Variants in TMEM131 observed in about 807,000 individuals in gnomAD.
TMEM131 encodes the protein 2610524E03Rik.
TMEM131 carries 66 observed loss-of-function variants against 211.6 expected under a neutral mutation model. The observed-to-expected ratio is 0.31, with a 90% confidence interval of 0.26 to 0.38. The LOEUF (loss-of-function observed/expected upper bound fraction) is 0.38, where lower values mean the gene tolerates loss of function less well. Among genes scored for constraint, TMEM131 ranks in the 10% least tolerant of loss-of-function variants. The pLI, the probability that TMEM131 is intolerant of heterozygous loss-of-function variation, is 1.00. For missense variants in TMEM131, 2,036 were observed against 2,299.3 expected, an observed-to-expected ratio of 0.89 and a Z score of 2.34; for synonymous variants, 844 against 841.3, an observed-to-expected ratio of 1.00 and a Z score of -0.06.
At chr2:97,929,647 A>T (rs1194380183) in intron 1 of TMEM131, among the ~76,000 whole-genome samples, 1 of 151,788 alleles carries the variant, frequency 6.6e-6, no homozygotes, top group Non-Finnish European at 1.5e-5. Context: ...TTATTTTGGG[A>T]AAACTCCTGT....
intron 11 of TMEM131, among the ~76,000 whole-genome samples, chr2:97,828,096 A>G (rs1413012575): frequency 1.3e-5 from 2 of 152,182 alleles, no homozygotes; most frequent in South Asian, 2.1e-4. Context: ...ACAAATTTGA[A>G]TATGTAGTGT....
intron 3 of TMEM131, among the ~76,000 whole-genome samples, chr2:97,903,706 T>C (rs1353187476): frequency 1.3e-5 from 2 of 152,094 alleles, no homozygotes; most frequent in African/African-American, 4.8e-5. Context: ...TATTTATTTA[T>C]TTTGAGAGGG....
At position 97,841,823 on chromosome 2, in the gene TMEM131, G is replaced by T; in HGVS notation, c.715C>A (p.Pro239Thr). 6.3e-7 allele frequency: 1 copy of T among 1,592,888 alleles called. No individual in the cohort carries two copies. Among genetic ancestry groups the T allele is most frequent in the Non-Finnish European group, 8.6e-7 (1 of 1,169,482 alleles). ...TACCATCATAAACTCACCTGTAAAG[G>T]CTCACTGTGAGGATTGTGGATGTTT... ...IINIHNPHSE[P>T]LQVVEMYSSG... The change falls in exon 7 of 41, where the codon CCT becomes ACT. Residue 239 changes from proline (P) to threonine (T), a missense_variant. Physicochemically the swap from Pro to Thr is conservative, Grantham distance 38 (BLOSUM62 -1). Coordinates refer to ENST00000186436, the MANE Select transcript of TMEM131 (RefSeq NM_015348.2).
At chr2:97,822,931 G>A (rs548940563) in intron 11 of TMEM131, among the ~76,000 whole-genome samples, 23 of 152,138 alleles carry the variant, frequency 1.5e-4, no homozygotes, top group East Asian at 9.6e-4. Flanking sequence ...TCTGCACTAC[G>A]GCCTGGTCCC....
chr2:97,932,513 T>C (rs534918129), intron 1 of TMEM131, among the ~76,000 whole-genome samples: 3 of 152,192 alleles, frequency 2.0e-5, no homozygotes, highest in Non-Finnish European at 4.4e-5. Context: ...TATAATCCTA[T>C]GTAATTCAGA....
intron 4 of TMEM131, among the ~76,000 whole-genome samples, chr2:97,885,546 G>A (rs1675118795): frequency 6.6e-6 from 1 of 152,104 alleles, no homozygotes; most frequent in Non-Finnish European, 1.5e-5. Context: ...AGGGTATATA[G>A]TGTTCTTGGC....
chr2:97,867,582 T>C (rs1046206591), intron 4 of TMEM131, among the ~76,000 whole-genome samples: 16 of 152,336 alleles, frequency 1.1e-4, no homozygotes, highest in Middle Eastern at 3.4e-3. Context: ...CTTCCTAGTG[T>C]GGAACTTATC....
At chr2:97,890,450 T>C (rs1180139868) in intron 3 of TMEM131, among the ~76,000 whole-genome samples, 1 of 152,200 alleles carries the variant, frequency 6.6e-6, no homozygotes, top group Non-Finnish European at 1.5e-5. Context: ...TAACTCATTC[T>C]AAGATTTTCA....
At chr2:97,889,597 T>TA (rs1360246808) in intron 3 of TMEM131, among the ~76,000 whole-genome samples, 1 of 148,868 alleles carries the variant, frequency 6.7e-6, no homozygotes, top group Non-Finnish European at 1.5e-5. Context: ...ATGTAATATA[T>TA]ATTCCTATAT....
intron 33 of TMEM131, among the ~76,000 whole-genome samples, chr2:97,767,204 A>T (rs1429828360): frequency 1.3e-5 from 2 of 152,152 alleles, no homozygotes; most frequent in Non-Finnish European, 2.9e-5. Context: ...AATTAAATAT[A>T]TTTTTTATTG....
At chr2:97,981,437 C>T (rs1679793226) in intron 1 of TMEM131, among the ~76,000 whole-genome samples, 1 of 152,140 alleles carries the variant, frequency 6.6e-6, no homozygotes. Flanking sequence ...ATCTTTTTTG[C>T]ATTCCAACTA....
intron 1 of TMEM131, among the ~76,000 whole-genome samples, chr2:97,988,226 CA>C (rs1261504192): frequency 6.6e-6 from 1 of 152,128 alleles, no homozygotes; most frequent in Non-Finnish European, 1.5e-5. Context: ...GCCTCTTCAA[CA>C]AATGGAACTG....
intron 3 of TMEM131, among the ~76,000 whole-genome samples, chr2:97,896,494 T>G (rs1675616876): frequency 6.6e-6 from 1 of 152,188 alleles, no homozygotes; most frequent in Admixed American, 6.5e-5. Flanking sequence ...TGTGGGAGTT[T>G]AAGTCTCTTT....
At chr2:97,904,666 T>C (rs1428766573) in intron 3 of TMEM131, among the ~76,000 whole-genome samples, 1 of 152,190 alleles carries the variant, frequency 6.6e-6, no homozygotes, top group Non-Finnish European at 1.5e-5. Context: ...AAGTCTGCCA[T>C]ATTGCCATTT....
In TMEM131 at chr2:97,818,601, G is replaced by A; in HGVS notation, c.1183+12C>T. On this transcript the variant is annotated intron_variant, in intron 12 of 40. Transcript: ENST00000186436. ...ACATCACTCTATCAGAGAGAAAATG[G>A]TGAATACTTGCCATCAAAACTAATG... The A allele has an allele frequency of 6.6e-7, 1 of 1,511,832 alleles. No individual in the cohort carries two copies. The highest frequency in any genetic ancestry group is 9.1e-7 in the Non-Finnish European group (1 of 1,093,922). The allele number at this position is 1,511,832 out of a possible 1,614,324, so 93.7% of individuals were successfully genotyped here.
intron 11 of TMEM131, among the ~76,000 whole-genome samples, chr2:97,832,664 T>A (rs1399727242): frequency 2.6e-5 from 4 of 152,248 alleles, no homozygotes; most frequent in Non-Finnish European, 5.9e-5. Context: ...CAGCACAAAT[T>A]ATAATAAAAA....
At chr2:97,817,059 T>C (rs1325827225) in intron 12 of TMEM131, among the ~76,000 whole-genome samples, 1 of 152,204 alleles carries the variant, frequency 6.6e-6, no homozygotes, top group Non-Finnish European at 1.5e-5. Flanking sequence ...ATGCTTTCCC[T>C]TTGCTGTTGT....
At chr2:97,833,665 T>C (rs943127505) in intron 10 of TMEM131, among the ~76,000 whole-genome samples, 1 of 151,838 alleles carries the variant, frequency 6.6e-6, no homozygotes, top group African/African-American at 2.4e-5. Context: ...TTTTTTTTTT[T>C]TTTTTTAAAT....
intron 31 of TMEM131, among the ~76,000 whole-genome samples, chr2:97,786,670 T>C (rs946451143): frequency 6.6e-6 from 1 of 152,246 alleles, no homozygotes; most frequent in Admixed American, 6.5e-5. Flanking sequence ...TAGCTATACT[T>C]ACCCATGGTC....
Sources: allele counts gnomAD v4.1 joint callset (sites outside exome capture counted in the v4.1 genomes callset), GRCh38; gene constraint gnomAD v4.1.1; transcripts MANE v1.5; gene names NCBI Gene and HGNC (gene_info 2026-07-23, HGNC 2026-07-21).